COL11A1: variants seen among roughly 807,000 people sequenced by gnomAD.
COL11A1 encodes the protein collagen alpha-1(XI) chain.
In COL11A1, 74 loss-of-function variants were observed where a neutral mutation model predicts 265.2. That is an observed-to-expected ratio of 0.28 (90% CI 0.23 to 0.34). The LOEUF (loss-of-function observed/expected upper bound fraction) is 0.34, where lower values mean the gene tolerates loss of function less well. Ranked by LOEUF, COL11A1 falls within the 10% of genes least tolerant of loss-of-function variation. The pLI, the probability that COL11A1 is intolerant of heterozygous loss-of-function variation, is 1.00. For missense variants in COL11A1, 2,165 were observed against 2,263.6 expected, an observed-to-expected ratio of 0.96 and a Z score of 0.88; for synonymous variants, 816 against 727.6, an observed-to-expected ratio of 1.12 and a Z score of -1.96.
At chr1:103,103,631 T>C (rs1209792520) in intron 1 of COL11A1, among the ~76,000 whole-genome samples, 1 of 151,996 alleles carries the variant, frequency 6.6e-6, no homozygotes, top group Non-Finnish European at 1.5e-5. Flanking sequence ...CTAGCAAATA[T>C]ATGGTCTAAT....
At chr1:103,026,833 G>A (rs1057488814) in intron 5 of COL11A1, among the ~76,000 whole-genome samples, 2 of 151,846 alleles carry the variant, frequency 1.3e-5, no homozygotes, top group African/African-American at 4.8e-5. Flanking sequence ...AAAGAGGGGA[G>A]GAGGGAAAGG....
rs1299705732 is a variant in COL11A1, at chr1:102,887,190, TATAGG to T, written c.4609-139_4609-135del. On this transcript the variant is annotated intron_variant, in intron 62 of 66. Transcript: ENST00000370096. Reference sequence around the variant, plus strand: ...TTTTCATTAGCTACAAAATTTATGCTATAGGATAAGTTTATAAATATATAAACGTC... The same window carrying T: ...TTTTCATTAGCTACAAAATTTATGCTATAAGTTTATAAATATATAAACGTC... The T allele has an allele frequency of 2.9e-6, 3 of 1,051,948 alleles. No individual in the cohort carries two copies. The East Asian group carries it at 7.6e-5, about 27-fold the overall frequency. The allele number at this position is 1,051,948 out of a possible 1,614,324, so 65.2% of individuals were successfully genotyped here. A position where few individuals can be genotyped will look rare whatever the true frequency, so the allele number is the denominator to read the frequency against.
In COL11A1 at chr1:102,945,247, A is replaced by ACTCTCTCTCTCT. The variant is rs3056651; in HGVS notation, c.3276+1590_3276+1601dup. Among the ~76,000 whole-genome samples the ACTCTCTCTCTCT allele has an allele frequency of 5.0e-4, 65 of 129,248 alleles. 1 individual carries two copies. The highest frequency in any genetic ancestry group is 1.5e-3 in the African/African-American group (50 of 33,428). 84.8% of individuals were successfully genotyped at this position (129,248 alleles called of 152,430 possible). A position where few individuals can be genotyped will look rare whatever the true frequency, so the allele number is the denominator to read the frequency against. Reference sequence around the variant, plus strand: ...AACAAAGGGAATTTGTTTTCTTTTTACTCTCTCTCTCTCTCTCTCTCTCTC... The same window carrying ACTCTCTCTCTCT: ...AACAAAGGGAATTTGTTTTCTTTTTACTCTCTCTCTCTCTCTCTCTCTCTCTCTCTCTCTCTC... On this transcript the variant is annotated intron_variant, in intron 42 of 66. Transcript: ENST00000370096.
chr1:102,954,522 C>T (rs1459360593), intron 41 of COL11A1, among the ~76,000 whole-genome samples: 2 of 152,162 alleles, frequency 1.3e-5, no homozygotes, highest in East Asian at 3.9e-4. Flanking sequence ...AACTAGAGGG[C>T]AAAAACACGT....
chr1:103,087,155 T>C (rs6577350), intron 1 of COL11A1, among the ~76,000 whole-genome samples: 1,537 of 152,344 alleles, frequency 0.01, 19 homozygotes, highest in African/African-American at 0.035. Context: ...ATGACCTTAA[T>C]ATTTTAATTA....
At chr1:103,079,209 C>T (rs1337185) in intron 2 of COL11A1, among the ~76,000 whole-genome samples, 1 of 152,056 alleles carries the variant, frequency 6.6e-6, no homozygotes, top group Non-Finnish European at 1.5e-5. Flanking sequence ...TAATTTTGGC[C>T]TAAAGTTTGT....
intron 1 of COL11A1, chr1:103,100,149 C>T (rs1571282035): frequency 6.6e-6 from 1 of 151,874 alleles, no homozygotes; most frequent in African/African-American, 2.4e-5. Flanking sequence ...ATGTTACATT[C>T]TCTCAGTTGA....
intron 1 of COL11A1, among the ~76,000 whole-genome samples, chr1:103,083,922 C>T (rs1029037841): frequency 6.6e-6 from 1 of 152,008 alleles, no homozygotes. Context: ...GTTACTGTGA[C>T]GTGGTCAATA....
At chr1:102,948,067 C>T (rs1197222916) in intron 41 of COL11A1, among the ~76,000 whole-genome samples, 1 of 151,814 alleles carries the variant, frequency 6.6e-6, no homozygotes, top group African/African-American at 2.4e-5. Flanking sequence ...TACTATTATA[C>T]TTAATGATAT....
chr1:103,103,231 A>G (rs1450562537), intron 1 of COL11A1, among the ~76,000 whole-genome samples: 4 of 152,088 alleles, frequency 2.6e-5, no homozygotes, highest in African/African-American at 9.7e-5. Context: ...TGACATTAAT[A>G]AAAGTCATAC....
chr1:102,934,654 G>A (rs536035678), intron 45 of COL11A1, 98 bp from the exon 46 acceptor site: 8 of 947,296 alleles, frequency 8.4e-6, no homozygotes, highest in Admixed American at 5.7e-5. Flanking sequence ...CAAAGCAGAT[G>A]TATTTAAGAA....
chr1:102,938,674 G>A (rs114323960), intron 44 of COL11A1, among the ~76,000 whole-genome samples: 5,332 of 152,122 alleles, frequency 0.035, 118 homozygotes, highest in Non-Finnish European at 0.053. Flanking sequence ...TATAACATAT[G>A]GGAATAAGTG....
rs1672155730 is a variant in COL11A1, at chr1:103,078,541, T to C, written c.488+117A>G. 7.5e-6 allele frequency: 7 copies of C among 933,984 alleles called. No individual in the cohort carries two copies. In the East Asian group the frequency reaches 1.8e-4, roughly 24 times the overall value. The allele number at this position is 933,984 out of a possible 1,614,324, so 57.9% of individuals were successfully genotyped here. A position where few individuals can be genotyped will look rare whatever the true frequency, so the allele number is the denominator to read the frequency against. On this transcript the variant is annotated intron_variant, in intron 3 of 66. Coordinates refer to ENST00000370096, the MANE Select transcript of COL11A1 (RefSeq NM_001854.4). ...TATGTCTTTATGTATTTTTTGCTCA[T>C]TTATTTATCACCAGCCTCTAGAAAA...
chr1:103,012,761 T>C (rs1666234006), intron 13 of COL11A1, among the ~76,000 whole-genome samples: 1 of 152,218 alleles, frequency 6.6e-6, no homozygotes, highest in Non-Finnish European at 1.5e-5. Flanking sequence ...TAATATCTGA[T>C]AATTTACTAT....
At chr1:102,976,289 C>CTTTGTTTTTT (rs1662463880) in intron 35 of COL11A1, among the ~76,000 whole-genome samples, 1 of 58,578 alleles carries the variant, frequency 1.7e-5, no homozygotes, top group Non-Finnish European at 3.2e-5. Context: ...AAAACGTTGG[C>CTTTGTTTTTT]TTTTTTTTTT....
chr1:102,985,307 G>A (rs1570945738), intron 30 of COL11A1, among the ~76,000 whole-genome samples: 1 of 152,034 alleles, frequency 6.6e-6, no homozygotes, highest in Non-Finnish European at 1.5e-5. Context: ...GATGAAATAA[G>A]GCAAAAAATT....
intron 63 of COL11A1, among the ~76,000 whole-genome samples, chr1:102,884,051 A>G (rs1650618235): frequency 6.6e-6 from 1 of 152,196 alleles, no homozygotes; most frequent in African/African-American, 2.4e-5. Context: ...AACAAAAGTT[A>G]CTAGGAGCCA....
intron 1 of COL11A1, among the ~76,000 whole-genome samples, chr1:103,086,565 C>T (rs148992614): frequency 0.092 from 14,045 of 152,064 alleles, 795 homozygotes; most frequent in African/African-American, 0.16. Context: ...TCCAGGCGCC[C>T]GCCACCACGC....
chr1:103,108,009 G>T, intron 1 of COL11A1, 64 bp downstream of exon 1: 1 of 1,143,000 alleles, frequency 8.7e-7, no homozygotes, highest in Non-Finnish European at 1.3e-6. Context: ...AAAGTGGGGG[G>T]AGGGGCGCAG....
Sources: allele counts gnomAD v4.1 joint callset (sites outside exome capture counted in the v4.1 genomes callset), GRCh38; gene constraint gnomAD v4.1.1; transcripts MANE v1.5; gene names NCBI Gene and HGNC (gene_info 2026-07-23, HGNC 2026-07-21).